NPTN: variants seen among roughly 807,000 people sequenced by gnomAD.
The protein encoded by NPTN is neuroplastin, also known as SDR-1.
Under a neutral mutation model 42.7 loss-of-function variants are expected in NPTN, and 5 were observed. The observed-to-expected ratio is 0.12, with a 90% CI of 0.06 to 0.25. The LOEUF (loss-of-function observed/expected upper bound fraction) is 0.25. Among genes scored for constraint, NPTN ranks in the 10% least tolerant of loss-of-function variants. The pLI is 1.00. For synonymous variants in NPTN, 180 were observed against 201.9 expected (o/e 0.89, Z 0.92); for missense variants, 307 against 525.4 (o/e 0.58, Z 4.06).
chr15:73,612,101 T>C (rs1897611802), intron 1 of NPTN, among the ~76,000 whole-genome samples: 1 of 152,192 alleles, frequency 6.6e-6, no homozygotes, highest in Non-Finnish European at 1.5e-5. Context: ...TGGTCACCTA[T>C]CTTGTGTTTC....
Position 73,597,458 on chromosome 15 carries a change from G to A in NPTN, c.92-89C>T. 1.8e-6 allele frequency: 2 copies of A among 1,088,068 alleles called. No homozygotes were observed. Among genetic ancestry groups the A allele is most frequent in the Non-Finnish European group, 2.6e-6 (2 of 768,586 alleles). 67.4% of individuals were successfully genotyped at this position (1,088,068 alleles called of 1,614,324 possible). On this transcript the variant is annotated intron_variant, in intron 1 of 8. Transcript: ENST00000345330. This position sits in a 1 kb window ranked among gnomAD's most constrained non-coding sequence, Gnocchi z 6.3. ...GGTGTTAATAGTAATTTAAAGAAAA[G>A]AAAAGAAAAAAGCAAATGAGTTGCA... is the stretch of plus-strand genomic sequence containing the variant.
At position 73,570,144 on chromosome 15, in the gene NPTN, T is replaced by G; in HGVS notation, c.1114+6A>C. 6.3e-7 allele frequency: 1 copy of G among 1,598,596 alleles called. No homozygotes were observed. Among genetic ancestry groups the G allele is most frequent in the Admixed American group, 1.7e-5 (1 of 59,138 alleles). Reference sequence around the variant, plus strand: ...CAGTACAGCTATTTTGTAGGGATGCTCTTACCGTCAGGAACCTCATCTGGC... The same window carrying G: ...CAGTACAGCTATTTTGTAGGGATGCGCTTACCGTCAGGAACCTCATCTGGC... On this transcript the variant is annotated splice_donor_region_variant and intron_variant, in intron 6 of 8. Transcript: ENST00000345330. The surrounding 1 kb of genome is among the most constrained non-coding windows in gnomAD (Gnocchi z 4.0).
chr15:73,614,347 C>T (rs1301995634), intron 1 of NPTN, among the ~76,000 whole-genome samples: 1 of 151,986 alleles, frequency 6.6e-6, no homozygotes. Context: ...TTATAGAAAT[C>T]ATTCCATTTA....
intron 4 of NPTN, among the ~76,000 whole-genome samples, chr15:73,579,508 T>C (rs1566964972): frequency 6.6e-6 from 1 of 151,970 alleles, no homozygotes; most frequent in Non-Finnish European, 1.5e-5. Context: ...TGGGGACTCA[T>C]TTCCAAGACT....
chr15:73,624,317 A>G (rs1406359261), intron 1 of NPTN, among the ~76,000 whole-genome samples: 6 of 152,162 alleles, frequency 3.9e-5, no homozygotes, highest in Admixed American at 3.9e-4. Context: ...GCTTTTTTCC[A>G]GGTAGCAGTT....
Position 73,597,518 on chromosome 15 carries a change from G to A in NPTN, c.92-149C>T, listed in dbSNP as rs1896886343. ...AAAGGATTCATTTTTAAACTATAAA[G>A]AGACAGTACAGCAATTCATACAAGC... On this transcript the variant is annotated intron_variant, in intron 1 of 8. Transcript: ENST00000345330. This position sits in a 1 kb window ranked among gnomAD's most constrained non-coding sequence, Gnocchi z 6.3. 4.6e-6 allele frequency: 3 copies of A among 656,194 alleles called. No individual in the cohort carries two copies. The highest frequency in any genetic ancestry group is 7.7e-6 in the Non-Finnish European group (3 of 387,722). The allele number at this position is 656,194 out of a possible 1,614,324, so 40.6% of individuals were successfully genotyped here.
intron 1 of NPTN, among the ~76,000 whole-genome samples, chr15:73,625,427 G>C (rs937845462): frequency 1.4e-4 from 21 of 151,622 alleles, no homozygotes; most frequent in Non-Finnish European, 2.7e-4. Flanking sequence ...CTCGGCTCCC[G>C]GGTTCACGCC....
chr15:73,624,372 C>A (rs1448263953), intron 1 of NPTN, among the ~76,000 whole-genome samples: 3 of 152,112 alleles, frequency 2.0e-5, no homozygotes, highest in Non-Finnish European at 2.9e-5. Flanking sequence ...CCTTGATGCA[C>A]GATTTGAGAT....
intron 6 of NPTN, among the ~76,000 whole-genome samples, chr15:73,566,316 A>G (rs1323004521): frequency 1.3e-5 from 2 of 152,214 alleles, no homozygotes; most frequent in East Asian, 1.9e-4. Flanking sequence ...TCTTCATTCT[A>G]AAGTGTCTAA....
At chr15:73,619,633 G>C (rs1898034471) in intron 1 of NPTN, among the ~76,000 whole-genome samples, 1 of 152,188 alleles carries the variant, frequency 6.6e-6, no homozygotes, top group Non-Finnish European at 1.5e-5. Flanking sequence ...TTTGGAATAA[G>C]CATATTTAGC....
intron 5 of NPTN, 24 bp downstream of exon 5, chr15:73,573,638 G>C (rs757636421): frequency 5.2e-6 from 8 of 1,541,310 alleles, no homozygotes; most frequent in Non-Finnish European, 7.0e-6. Context: ...AGCAACCAGA[G>C]ACCCGGGCCT....
intron 5 of NPTN, 77 bp downstream of exon 5, chr15:73,573,585 C>T: frequency 6.9e-7 from 1 of 1,439,680 alleles, no homozygotes; most frequent in Admixed American, 2.6e-5. Flanking sequence ...ACAGCTACTA[C>T]AGTAACTGAC....
chr15:73,624,682 CCT>C (rs1161302111), intron 1 of NPTN, among the ~76,000 whole-genome samples: 1 of 151,732 alleles, frequency 6.6e-6, no homozygotes, highest in African/African-American at 2.4e-5. Context: ...TTCTGCTTAC[CCT>C]CTCTCTCTCT....
At chr15:73,604,950 T>C (rs992351251) in intron 1 of NPTN, among the ~76,000 whole-genome samples, 2 of 151,910 alleles carry the variant, frequency 1.3e-5, no homozygotes, top group African/African-American at 4.8e-5. Flanking sequence ...CTACCAAAAA[T>C]AGCTGAGCAT....
At chr15:73,586,106 G>A (rs1033629422) in intron 4 of NPTN, among the ~76,000 whole-genome samples, 1 of 152,160 alleles carries the variant, frequency 6.6e-6, no homozygotes, top group African/African-American at 2.4e-5. Flanking sequence ...GGCTTGGGGA[G>A]CACAATGAAC....
intron 6 of NPTN, among the ~76,000 whole-genome samples, chr15:73,564,328 T>C (rs1477111458): frequency 6.6e-6 from 1 of 152,084 alleles, no homozygotes; most frequent in East Asian, 1.9e-4. Context: ...CATGAAGCAG[T>C]TATGGAGATT....
intron 1 of NPTN, among the ~76,000 whole-genome samples, chr15:73,598,378 T>C (rs1385622318): frequency 6.6e-6 from 1 of 152,058 alleles, no homozygotes; most frequent in Non-Finnish European, 1.5e-5. Flanking sequence ...TCTTAGGAAC[T>C]GCCCAGGAAC....
chr15:73,572,996 T>C (rs1328108873), intron 5 of NPTN, among the ~76,000 whole-genome samples: 2 of 152,086 alleles, frequency 1.3e-5, no homozygotes, highest in Non-Finnish European at 2.9e-5. Context: ...ACTCTCTTCC[T>C]CCTCTCCAGC....
Position 73,569,166 on chromosome 15 carries a change from G to C in NPTN, c.1114+984C>G. The C allele has an allele frequency of 4.1e-6, 4 of 985,474 alleles. No individual in the cohort carries two copies. The highest frequency in any genetic ancestry group is 4.8e-6 in the Non-Finnish European group (4 of 829,982). The allele number at this position is 985,474 out of a possible 1,614,324, so 61.0% of individuals were successfully genotyped here. A position where few individuals can be genotyped will look rare whatever the true frequency, so the allele number is the denominator to read the frequency against. The stretch of plus-strand genomic sequence containing the variant: ...GTCTAGTCTAGCCAGGGACAGACTA[G>C]TGGTGGTAACAGTCGGCCAATTAAT... On this transcript the variant is annotated intron_variant, in intron 6 of 8. Transcript: ENST00000345330. This position sits in a 1 kb window ranked among gnomAD's most constrained non-coding sequence, Gnocchi z 4.1.
Sources: gnomAD v4.1 joint callset for allele counts (sites outside exome capture counted in the v4.1 genomes callset) on GRCh38, gnomAD v4.1.1 for gene constraint, Gnocchi (gnomAD v3.1) non-coding constraint, MANE v1.5 for transcripts, NCBI Gene and HGNC (gene_info 2026-07-23, HGNC 2026-07-21) for gene names.